DLGAP4: variants seen among roughly 807,000 people sequenced by gnomAD.
DLGAP4 encodes DLG associated protein 4.
DLGAP4 carries 18 observed loss-of-function variants against 86.9 expected under a neutral mutation model. The ratio of observed to expected loss-of-function variants is 0.21; its 90% CI spans 0.14 to 0.31. DLGAP4 has a LOEUF of 0.31. Ranked by LOEUF, DLGAP4 falls within the 10% of genes least tolerant of loss-of-function variation. DLGAP4 has a pLI of 1.00. For missense variants in DLGAP4, 1,085 were observed against 1,362.6 expected, an observed-to-expected ratio of 0.80 and a Z score of 3.21; for synonymous variants, 548 against 574.3, an observed-to-expected ratio of 0.95 and a Z score of 0.65.
In DLGAP4 at chr20:36,499,572, G is replaced by C. The variant is rs201631021; in HGVS notation, c.2011-16G>C. 1 of 1,612,748 alleles carries C rather than the reference G, an allele frequency of 6.2e-7. No individual in the cohort carries two copies. The highest frequency in any genetic ancestry group is 1.3e-5 in the African/African-American group (1 of 74,868). On this transcript the variant is annotated splice_polypyrimidine_tract_variant and intron_variant, in intron 8 of 12. Coordinates refer to ENST00000339266, the MANE Select transcript of DLGAP4 (RefSeq NM_001365621.2). ...TCTTTGTCTCCGTGCCGTTGCTGTC[G>C]TTGTCCTTCAATAAGGTTGACTGCA... is the stretch of plus-strand genomic sequence containing the variant.
Position 36,350,573 on chromosome 20 carries a change from G to A in DLGAP4, c.-303-16472G>A, listed in dbSNP as rs2030117990. ...TCTGTCATTTCCCTGGGGTGAATCA[G>A]ATGATACAATGGCTGACAAGGGCAT... On this transcript the variant is annotated intron_variant, in intron 1 of 12. Coordinates refer to ENST00000339266, the MANE Select transcript of DLGAP4 (RefSeq NM_001365621.2). The surrounding 1 kb of genome is among the most constrained non-coding windows in gnomAD (Gnocchi z 4.4). 2.0e-5 allele frequency among the ~76,000 whole-genome samples: 3 copies of A among 152,228 alleles called. No individual in the cohort carries two copies. Among genetic ancestry groups the A allele is most frequent in the Admixed American group, 6.5e-5 (1 of 15,288 alleles).
At chr20:36,499,480 C>T (rs1029071431) in intron 8 of DLGAP4, 108 bp from the exon 9 acceptor site, 66 of 1,367,966 alleles carry the variant, frequency 4.8e-5, no homozygotes, top group African/African-American at 1.4e-4. Context: ...TCTGTCCACA[C>T]GTCCGTTTGC....
In DLGAP4 at chr20:36,518,119, T is replaced by C. The variant is rs140256082; in HGVS notation, c.2513-6131T>C. Among the ~76,000 whole-genome samples the C allele has an allele frequency of 7.5e-3, 1,141 of 152,050 alleles. 7 individuals are homozygous for C. The highest frequency in any genetic ancestry group is 0.012 in the Non-Finnish European group (831 of 67,968). The stretch of plus-strand genomic sequence containing the variant: ...CCTGTAATCCGAGCTACACTCAGGA[T>C]GCTGAGGCAGGAGAATTGCTTGAAC... On this transcript the variant is annotated intron_variant, in intron 10 of 12. Coordinates refer to ENST00000339266, the MANE Select transcript of DLGAP4 (RefSeq NM_001365621.2).
chr20:36,325,001 A>G (rs1203166846), intron 1 of DLGAP4, among the ~76,000 whole-genome samples: 1 of 151,426 alleles, frequency 6.6e-6, no homozygotes, highest in Non-Finnish European at 1.5e-5. Flanking sequence ...TTCAGGGTTA[A>G]TTTGTTTTTC....
At chr20:36,321,552 G>A (rs1235520013) in intron 1 of DLGAP4, among the ~76,000 whole-genome samples, 4 of 152,264 alleles carry the variant, frequency 2.6e-5, no homozygotes, top group Non-Finnish European at 1.5e-5. Context: ...TAGCTCACAC[G>A]TGCTCAGCGC....
intron 2 of DLGAP4, among the ~76,000 whole-genome samples, chr20:36,391,319 T>A: frequency 6.6e-6 from 1 of 152,100 alleles, no homozygotes; most frequent in African/African-American, 2.4e-5. Flanking sequence ...CTAATTTGCC[T>A]CCTCTCTAAT....
At chr20:36,512,457 A>C (rs1394260374) in intron 10 of DLGAP4, among the ~76,000 whole-genome samples, 2 of 152,076 alleles carry the variant, frequency 1.3e-5, no homozygotes, top group Admixed American at 1.3e-4. Flanking sequence ...ACCGTCATTC[A>C]CTCAGTGAAT....
intron 1 of DLGAP4, among the ~76,000 whole-genome samples, chr20:36,318,132 A>T (rs1320501618): frequency 5.3e-5 from 8 of 151,470 alleles, no homozygotes; most frequent in African/African-American, 1.9e-4. Context: ...ACACACACAC[A>T]CACACACACA....
At chr20:36,503,387 G>A (rs764111843) in intron 10 of DLGAP4, among the ~76,000 whole-genome samples, 4 of 151,188 alleles carry the variant, frequency 2.6e-5, no homozygotes, top group Non-Finnish European at 5.9e-5. Flanking sequence ...ATTAGGAGCC[G>A]CTCCCACAGC....
At chr20:36,413,111 C>T (rs1428231508) in intron 2 of DLGAP4, among the ~76,000 whole-genome samples, 2 of 151,014 alleles carry the variant, frequency 1.3e-5, no homozygotes, top group Admixed American at 1.3e-4. Context: ...TTCTGAGTAG[C>T]TGGGGTTACA....
intron 10 of DLGAP4, among the ~76,000 whole-genome samples, chr20:36,518,428 G>T (rs75797903): frequency 0.016 from 2,451 of 151,828 alleles, 29 homozygotes; most frequent in Non-Finnish European, 0.023. Flanking sequence ...TTCTCTTTGG[G>T]TTAATTGTAT....
intron 2 of DLGAP4, among the ~76,000 whole-genome samples, chr20:36,392,531 C>G (rs189144052): frequency 2.5e-5 from 3 of 118,208 alleles, no homozygotes; most frequent in Non-Finnish European, 3.7e-5. Context: ...CCACCACGCC[C>G]GGCTAATTTT....
In DLGAP4 at chr20:36,406,829, C is replaced by T. The variant is rs576299311; in HGVS notation, c.-72-24817C>T. ...TGAGCTGTAGGAAACCTTAAAGACC[C>T]CTTTTCTAGCCAACCCCCACATTGC... On this transcript the variant is annotated intron_variant, in intron 2 of 12. Coordinates refer to ENST00000339266, the MANE Select transcript of DLGAP4 (RefSeq NM_001365621.2). Among the ~76,000 whole-genome samples the T allele has an allele frequency of 1.4e-4, 22 of 152,190 alleles. No homozygotes were observed. In the South Asian group the frequency reaches 4.2e-3, roughly 29 times the overall value.
At position 36,333,652 on chromosome 20, in the gene DLGAP4, G is replaced by A. The variant is rs574418009; in HGVS notation, c.-304+27140G>A. On this transcript the variant is annotated intron_variant, in intron 1 of 12. Coordinates refer to ENST00000339266, the MANE Select transcript of DLGAP4 (RefSeq NM_001365621.2). ...TGTGTGGGTTGCTGTGTGACTCCCC[G>A]CGAACCACTCTGCCCTTCTGCCCTG... 7.9e-4 allele frequency among the ~76,000 whole-genome samples: 121 copies of A among 152,272 alleles called. 1 individual carries two copies. The highest frequency in any genetic ancestry group is 2.4e-3 in the Admixed American group (36 of 15,296).
At chr20:36,476,241 C>T (rs2034911457) in intron 7 of DLGAP4, among the ~76,000 whole-genome samples, 1 of 151,476 alleles carries the variant, frequency 6.6e-6, no homozygotes, top group Admixed American at 6.6e-5. Flanking sequence ...TTTAACTCTT[C>T]ATCTTCCCAA....
intron 2 of DLGAP4, among the ~76,000 whole-genome samples, chr20:36,428,107 A>G (rs1190340792): frequency 2.0e-5 from 3 of 152,208 alleles, no homozygotes; most frequent in African/African-American, 4.8e-5. Context: ...AAAAAGGTGG[A>G]AAAGGTGTTA....
intron 2 of DLGAP4, among the ~76,000 whole-genome samples, chr20:36,413,962 G>A (rs1009713774): frequency 2.6e-5 from 4 of 152,168 alleles, no homozygotes; most frequent in African/African-American, 7.2e-5. Context: ...TGGGGAAGAA[G>A]TAGAGTGAGA....
intron 1 of DLGAP4, among the ~76,000 whole-genome samples, chr20:36,365,791 T>TC (rs782550014): frequency 6.6e-6 from 1 of 152,112 alleles, no homozygotes; most frequent in East Asian, 1.9e-4. Context: ...AAGGTGAGCC[T>TC]CCCCGACCAG....
chr20:36,321,723 G>A (rs1004166217), intron 1 of DLGAP4, among the ~76,000 whole-genome samples: 6 of 152,214 alleles, frequency 3.9e-5, no homozygotes, highest in Non-Finnish European at 8.8e-5. Context: ...AGGGAGCGAG[G>A]AGGGGGAAAG....
Sources: gnomAD v4.1 joint callset for allele counts (sites outside exome capture counted in the v4.1 genomes callset) on GRCh38, gnomAD v4.1.1 for gene constraint, Gnocchi (gnomAD v3.1) non-coding constraint, MANE v1.5 for transcripts, NCBI Gene and HGNC (gene_info 2026-07-23, HGNC 2026-07-21) for gene names.